The following TAGLN variants were observed in gnomAD, a reference collection of about 807,000 sequenced individuals.
TAGLN encodes the protein 22 kDa actin-binding protein.
A neutral mutation model predicts 21.9 loss-of-function variants in TAGLN; 16 were observed. That is an observed-to-expected ratio of 0.73 (90% CI 0.49 to 1.11). The LOEUF is 1.11. Among genes scored for constraint, TAGLN ranks in the 50% least tolerant of loss-of-function variants. The pLI is 0.00. For missense variants in TAGLN, 248 were observed against 263.2 expected (o/e 0.94, Z 0.40); for synonymous variants, 96 against 94.9 (o/e 1.01, Z -0.06).
Position 117,203,336 on chromosome 11 carries a change from C to T in TAGLN, c.210C>T (p.Tyr70=), listed in dbSNP as rs1591779874. The change falls in exon 3 of 5, where the codon TAC becomes TAT. Residue 70 remains tyrosine, a synonymous_variant. Coordinates refer to ENST00000392951, the MANE Select transcript of TAGLN (RefSeq NM_003186.5). The surrounding 1 kb of genome is among the most constrained non-coding windows in gnomAD (Gnocchi z 4.4). ...TGAGCAAGCTGGTGAACAGCCTGTA[C>T]CCTGATGGCTCCAAGCCGGTGAAGG... The part of the protein sequence containing the change: ...VILSKLVNSL[Y]PDGSKPVKVP... 1.2e-6 allele frequency: 2 copies of T among 1,614,204 alleles called. No homozygotes were observed. The highest frequency in any genetic ancestry group is 1.3e-5 in the African/African-American group (1 of 75,046).
At chr11:117,199,294 C>G (rs1384872624), upstream of TAGLN, 1 of 152,234 alleles carries the variant, frequency 6.6e-6, no homozygotes, top group Non-Finnish European at 1.5e-5. Context: ...GGGAGGGGGC[C>G]GAGGAGCGAG....
rs1591781676 is a variant in TAGLN, at chr11:117,204,477, C to T, written c.*118C>T. 1.3e-6 allele frequency: 2 copies of T among 1,482,460 alleles called. No homozygotes were observed. The highest frequency in any genetic ancestry group is 2.4e-5 in the East Asian group (1 of 41,524). 91.8% of individuals were successfully genotyped at this position (1,482,460 alleles called of 1,614,324 possible). ...CTTCAGCCCTGGCCAAGCTTTGAGGCTCTGTCACTGAGCAATGGTAACTGC... is the reference window on the plus strand; with the variant it reads ...CTTCAGCCCTGGCCAAGCTTTGAGGTTCTGTCACTGAGCAATGGTAACTGC... On this transcript the variant is annotated 3_prime_UTR_variant, in exon 5 of 5. Transcript: ENST00000392951.
chr11:117,204,364 G>C lies in TAGLN; in HGVS notation c.*5G>C, dbSNP rs759328216. Reference sequence around the variant, plus strand: ...CCTCGGCAGATCATCAGTTAGAGCGGAGAGGGCTAGCCCTGAGCCCGGCCC... The same window carrying C: ...CCTCGGCAGATCATCAGTTAGAGCGCAGAGGGCTAGCCCTGAGCCCGGCCC... On this transcript the variant is annotated 3_prime_UTR_variant, in exon 5 of 5. Transcript: ENST00000392951. 5.0e-6 allele frequency: 8 copies of C among 1,614,070 alleles called. No homozygotes were observed. The highest frequency in any genetic ancestry group is 1.3e-5 in the African/African-American group (1 of 74,898).
At chr11:117,201,314 C>T (rs2031084601) in intron 1 of TAGLN, 1 of 152,224 alleles carries the variant, frequency 6.6e-6, no homozygotes, top group Admixed American at 6.5e-5. Flanking sequence ...CAATGACGGG[C>T]ACTTCGATGA....
In TAGLN at chr11:117,204,705, G is replaced by C. The variant is rs1476955819; in HGVS notation, c.*346G>C. On this transcript the variant is annotated 3_prime_UTR_variant, in exon 5 of 5. Coordinates refer to ENST00000392951, the MANE Select transcript of TAGLN (RefSeq NM_003186.5). ...TTGGCGGCAAAAGCCCATTGAAGAA[G>C]AACCAGCCCAGCCTGCCCCCTATCT... is the stretch of plus-strand genomic sequence containing the variant. 5.9e-6 allele frequency: 2 copies of C among 337,660 alleles called. No homozygotes were observed. Among genetic ancestry groups the C allele is most frequent in the Admixed American group, 8.2e-5 (2 of 24,460 alleles). 20.9% of individuals were successfully genotyped at this position (337,660 alleles called of 1,614,324 possible). A position where few individuals can be genotyped will look rare whatever the true frequency, so the allele number is the denominator to read the frequency against.
chr11:117,205,675 G>C lies in TAGLN; in HGVS notation c.*1316G>C, dbSNP rs190920342. ...CTTCTCAACTTATATGTGGGAAGGG[G>C]TCCCCCATGCTTGGGGGACCTAGGC... On this transcript the variant is annotated 3_prime_UTR_variant, in exon 5 of 5. Transcript: ENST00000392951. The C allele has an allele frequency of 2.3e-4, 67 of 287,624 alleles. No homozygotes were observed. Among genetic ancestry groups the C allele is most frequent in the African/African-American group, 1.0e-3 (47 of 47,032 alleles). 17.8% of individuals were successfully genotyped at this position (287,624 alleles called of 1,614,324 possible).
Position 117,204,925 on chromosome 11 carries a change from AG to A in TAGLN, c.*567del, listed in dbSNP as rs1486470321. On this transcript the variant is annotated 3_prime_UTR_variant, in exon 5 of 5. Transcript: ENST00000392951. ...CCTCTGAAGGACCCTTCATGTGCCA[AG>A]ATTCCAGGACAGTCAGATTCTTTCA... is the stretch of plus-strand genomic sequence containing the variant. The A allele has an allele frequency of 1.9e-5, 4 of 210,326 alleles. No individual in the cohort carries two copies. In the Admixed American group the frequency reaches 2.1e-4, roughly 11 times the overall value. 13.0% of individuals were successfully genotyped at this position (210,326 alleles called of 1,614,324 possible). A position where few individuals can be genotyped will look rare whatever the true frequency, so the allele number is the denominator to read the frequency against.
In TAGLN at chr11:117,203,210, G is replaced by C. The variant is rs376615679; in HGVS notation, c.180+17G>C. ...AATGGCGTGGTGAGTGGCACCCTGG[G>C]CTAGGGCGCTGGGGGGCTGGGGTGT... is the stretch of plus-strand genomic sequence containing the variant. On this transcript the variant is annotated intron_variant, in intron 2 of 4. Coordinates refer to ENST00000392951, the MANE Select transcript of TAGLN (RefSeq NM_003186.5). This position sits in a 1 kb window ranked among gnomAD's most constrained non-coding sequence, Gnocchi z 4.4. 6.3e-7 allele frequency: 1 copy of C among 1,591,900 alleles called. No individual in the cohort carries two copies. Among genetic ancestry groups the C allele is most frequent in the Non-Finnish European group, 8.6e-7 (1 of 1,166,020 alleles).
At position 117,203,709 on chromosome 11, in the gene TAGLN, G is replaced by A. The variant is rs749248950; in HGVS notation, c.359-73G>A. The A allele has an allele frequency of 9.4e-6, 14 of 1,492,538 alleles. No homozygotes were observed. The highest frequency in any genetic ancestry group is 1.3e-5 in the Non-Finnish European group (14 of 1,079,828). The allele number at this position is 1,492,538 out of a possible 1,614,324, so 92.5% of individuals were successfully genotyped here. The stretch of plus-strand genomic sequence containing the variant: ...GTTTGGCCATTTTTTTGTGAGAGAC[G>A]GGGGCAGGCCCTGGCTTGGAGTCTT... On this transcript the variant is annotated intron_variant, in intron 3 of 4. Transcript: ENST00000392951. The surrounding 1 kb of genome is among the most constrained non-coding windows in gnomAD (Gnocchi z 4.4).
intron 1 of TAGLN, among the ~76,000 whole-genome samples, chr11:117,200,935 G>A (rs765138647): frequency 6.6e-6 from 1 of 152,160 alleles, no homozygotes. Flanking sequence ...GAAGGTGGAT[G>A]CCTGTCTGGG....
At chr11:117,202,159 T>G (rs1244162702) in intron 1 of TAGLN, 2 of 152,260 alleles carry the variant, frequency 1.3e-5, no homozygotes, top group African/African-American at 4.8e-5. Flanking sequence ...TCTGACTTCT[T>G]GGTTACTCAG....
Position 117,203,711 on chromosome 11 carries a change from G to A in TAGLN, c.359-71G>A, listed in dbSNP as rs951092948. ...TTGGCCATTTTTTTGTGAGAGACGG[G>A]GGCAGGCCCTGGCTTGGAGTCTTGT... On this transcript the variant is annotated intron_variant, in intron 3 of 4. Coordinates refer to ENST00000392951, the MANE Select transcript of TAGLN (RefSeq NM_003186.5). This position sits in a 1 kb window ranked among gnomAD's most constrained non-coding sequence, Gnocchi z 4.4. The A allele has an allele frequency of 1.6e-5, 24 of 1,505,768 alleles. No homozygotes were observed. In the South Asian group the frequency reaches 2.8e-4, roughly 17 times the overall value. 93.3% of individuals were successfully genotyped at this position (1,505,768 alleles called of 1,614,324 possible). A position where few individuals can be genotyped will look rare whatever the true frequency, so the allele number is the denominator to read the frequency against.
In TAGLN at chr11:117,203,157, GC is replaced by G; in HGVS notation, c.145del (p.Arg49AlafsTer8). 6.3e-7 allele frequency: 1 copy of G among 1,595,224 alleles called. No homozygotes were observed. The highest frequency in any genetic ancestry group is 8.6e-7 in the Non-Finnish European group (1 of 1,168,600). On this transcript the variant is annotated frameshift_variant, in exon 2 of 5. Coordinates refer to ENST00000392951, the MANE Select transcript of TAGLN (RefSeq NM_003186.5). LOFTEE classifies it high-confidence loss of function. This position sits in a 1 kb window ranked among gnomAD's most constrained non-coding sequence, Gnocchi z 4.4. ...GPDVGRPDRGRLGFQVWLKNG... is the reference protein window; with the variant it reads ...GPDVGRPDRGXLGFQVWLKNG... Reference sequence around the variant, plus strand: ...CTGATGTGGGCCGCCCAGACCGTGGGCGCTTGGGCTTCCAGGTCTGGCTGAA... The same window carrying G: ...CTGATGTGGGCCGCCCAGACCGTGGGGCTTGGGCTTCCAGGTCTGGCTGAA...
In TAGLN at chr11:117,205,307, CT is replaced by C. The variant is rs1275424136; in HGVS notation, c.*949del. The C allele has an allele frequency of 1.3e-5, 3 of 233,664 alleles. No homozygotes were observed. Among genetic ancestry groups the C allele is most frequent in the Non-Finnish European group, 2.5e-5 (3 of 118,096 alleles). The allele number at this position is 233,664 out of a possible 1,614,324, so 14.5% of individuals were successfully genotyped here. Reference sequence around the variant, plus strand: ...AGAGGAAGACAGGGTGGTGGCAGGACTGGAGTGGCAGTGGCTCCCAAGGCTC... The same window carrying C: ...AGAGGAAGACAGGGTGGTGGCAGGACGGAGTGGCAGTGGCTCCCAAGGCTC... On this transcript the variant is annotated 3_prime_UTR_variant, in exon 5 of 5. Transcript: ENST00000392951.
In TAGLN at chr11:117,205,661, A is replaced by T. The variant is rs914135875; in HGVS notation, c.*1302A>T. On this transcript the variant is annotated 3_prime_UTR_variant, in exon 5 of 5. Transcript: ENST00000392951. ...GCTATGGCAGGCACCTTCTCAACTT[A>T]TATGTGGGAAGGGGTCCCCCATGCT... The T allele has an allele frequency of 1.1e-5, 3 of 271,750 alleles. No homozygotes were observed. The highest frequency in any genetic ancestry group is 2.1e-5 in the Non-Finnish European group (3 of 144,964). 16.8% of individuals were successfully genotyped at this position (271,750 alleles called of 1,614,324 possible). A position where few individuals can be genotyped will look rare whatever the true frequency, so the allele number is the denominator to read the frequency against.
Position 117,204,188 on chromosome 11 carries a change from T to G in TAGLN, c.462-27T>G, listed in dbSNP as rs368285175. The G allele has an allele frequency of 5.6e-6, 9 of 1,613,968 alleles. No homozygotes were observed. In the African/African-American group the frequency reaches 1.2e-4, roughly 22 times the overall value. On this transcript the variant is annotated intron_variant, in intron 4 of 4. Coordinates refer to ENST00000392951, the MANE Select transcript of TAGLN (RefSeq NM_003186.5). Reference sequence around the variant, plus strand: ...GTGGAAAACACACAGTTCTACCAAGTCTTTATCCTGGTTCCTCCTCTTCTA... The same window carrying G: ...GTGGAAAACACACAGTTCTACCAAGGCTTTATCCTGGTTCCTCCTCTTCTA...
Position 117,203,143 on chromosome 11 carries a change from C to T in TAGLN, c.130C>T (p.Arg44Cys), listed in dbSNP as rs201330898. 2.6e-5 allele frequency: 42 copies of T among 1,601,360 alleles called. No homozygotes were observed. The East Asian group carries it at 3.8e-4, about 15-fold the overall frequency. The stretch of plus-strand genomic sequence containing the variant: ...AGTGCAGTGTGGCCCTGATGTGGGC[C>T]GCCCAGACCGTGGGCGCTTGGGCTT... ...IIVQCGPDVG[R>C]PDRGRLGFQV... is the part of the protein sequence containing the mutation. The change falls in exon 2 of 5, where the codon CGC becomes TGC. Residue 44 changes from arginine to cysteine, a missense_variant. Arg to Cys is a radical substitution (Grantham distance 180, BLOSUM62 -3). Transcript: ENST00000392951. The surrounding 1 kb of genome is among the most constrained non-coding windows in gnomAD (Gnocchi z 4.4).
intron 1 of TAGLN, 194 bp downstream of exon 1, chr11:117,199,626 C>G (rs1191847347): frequency 2.6e-5 from 4 of 152,218 alleles, no homozygotes; most frequent in Admixed American, 6.5e-5. Context: ...TCCTGGATCT[C>G]TCTCAGACTG....
At position 117,204,451 on chromosome 11, in the gene TAGLN, C is replaced by A; in HGVS notation, c.*92C>A. On this transcript the variant is annotated 3_prime_UTR_variant, in exon 5 of 5. Transcript: ENST00000392951. The stretch of plus-strand genomic sequence containing the variant: ...CTGCCTCACCCACACCCGTGTGGTA[C>A]CTTCAGCCCTGGCCAAGCTTTGAGG... The A allele has an allele frequency of 6.4e-7, 1 of 1,573,292 alleles. No homozygotes were observed. Among genetic ancestry groups the A allele is most frequent in the Non-Finnish European group, 8.7e-7 (1 of 1,150,482 alleles).
Sources: gnomAD v4.1 joint callset for allele counts (sites outside exome capture counted in the v4.1 genomes callset) on GRCh38, gnomAD v4.1.1 for gene constraint, Gnocchi (gnomAD v3.1) non-coding constraint, MANE v1.5 for transcripts, NCBI Gene and HGNC (gene_info 2026-07-23, HGNC 2026-07-21) for gene names.